The following GLRA1 variants were observed in gnomAD, a reference collection of about 807,000 sequenced individuals.
The protein encoded by GLRA1 is glycine receptor alpha 1.
A neutral mutation model predicts 48.3 loss-of-function variants in GLRA1; 37 were observed. That is an observed-to-expected ratio of 0.77 (90% CI 0.59 to 1.01). The LOEUF (loss-of-function observed/expected upper bound fraction) is 1.01, where lower values mean the gene tolerates loss of function less well. Among genes scored for constraint, GLRA1 ranks in the 50% least tolerant of loss-of-function variants. The pLI is 0.00. For missense variants in GLRA1, 427 were observed against 571.0 expected (o/e 0.75, Z 2.57); for synonymous variants, 196 against 210.7 (o/e 0.93, Z 0.60).
chr5:151,853,290 A>G (rs6868371), intron 6 of GLRA1, among the ~76,000 whole-genome samples: 66,787 of 151,864 alleles, frequency 0.44, 15,031 homozygotes, highest in African/African-American at 0.53. Flanking sequence ...TCTGTCATCC[A>G]GGCTGGAGTG....
At chr5:151,878,229 G>A (rs7731695) in intron 3 of GLRA1, among the ~76,000 whole-genome samples, 1 of 152,198 alleles carries the variant, frequency 6.6e-6, no homozygotes, top group Non-Finnish European at 1.5e-5. Flanking sequence ...GAGACTGGCA[G>A]CATTTTGCCC....
chr5:151,825,274 C>G (rs1763244367), intron 8 of GLRA1, among the ~76,000 whole-genome samples: 1 of 152,094 alleles, frequency 6.6e-6, no homozygotes. Flanking sequence ...GAAAATCTCC[C>G]CTTGCTGGAG....
At chr5:151,888,407 G>A (rs1344599013) in intron 2 of GLRA1, among the ~76,000 whole-genome samples, 1 of 152,178 alleles carries the variant, frequency 6.6e-6, no homozygotes, top group Non-Finnish European at 1.5e-5. Flanking sequence ...TCTGTCCTGG[G>A]CCTCAATTTC....
chr5:151,858,747 G>C (rs1173196571), intron 4 of GLRA1, among the ~76,000 whole-genome samples: 2 of 147,976 alleles, frequency 1.4e-5, no homozygotes, highest in African/African-American at 5.1e-5. Context: ...CCACAGGCCT[G>C]GACAGTTAAG....
At chr5:151,880,858 T>G (rs1753743594) in intron 3 of GLRA1, among the ~76,000 whole-genome samples, 2 of 152,224 alleles carry the variant, frequency 1.3e-5, no homozygotes, top group Admixed American at 1.3e-4. Context: ...TTCACAAATA[T>G]CCACATACAA....
At chr5:151,912,247 G>A (rs1283733072) in intron 1 of GLRA1, among the ~76,000 whole-genome samples, 1 of 142,998 alleles carries the variant, frequency 7.0e-6, no homozygotes, top group African/African-American at 2.6e-5. Flanking sequence ...CTCTTATTTG[G>A]CTCCTGTGAA....
At chr5:151,899,033 A>T (rs781071228) in intron 1 of GLRA1, among the ~76,000 whole-genome samples, 20 of 152,258 alleles carry the variant, frequency 1.3e-4, no homozygotes, top group Admixed American at 2.0e-4. Flanking sequence ...TGTGTGTATG[A>T]AGGAGGGAGG....
At chr5:151,825,772 G>T (rs1763255826) in intron 8 of GLRA1, among the ~76,000 whole-genome samples, 2 of 152,190 alleles carry the variant, frequency 1.3e-5, no homozygotes, top group African/African-American at 4.8e-5. Flanking sequence ...TGGGAAGATG[G>T]TGGGAGTTGG....
At chr5:151,852,729 TA>T (rs1224885211) in intron 6 of GLRA1, among the ~76,000 whole-genome samples, 1 of 152,208 alleles carries the variant, frequency 6.6e-6, no homozygotes, top group African/African-American at 2.4e-5. Flanking sequence ...TGTGTACATT[TA>T]GGTTGTTTCC....
At chr5:151,900,160 A>C (rs1036252045) in intron 1 of GLRA1, among the ~76,000 whole-genome samples, 4 of 152,188 alleles carry the variant, frequency 2.6e-5, no homozygotes, top group Admixed American at 6.5e-5. Context: ...TAGAGAAAGA[A>C]GAATGAGGTA....
intron 3 of GLRA1, among the ~76,000 whole-genome samples, chr5:151,876,953 C>T (rs1753642189): frequency 6.6e-6 from 1 of 152,108 alleles, no homozygotes; most frequent in Non-Finnish European, 1.5e-5. Flanking sequence ...CTCTCTCTGT[C>T]TCTCTTTGCA....
chr5:151,912,186 G>A (rs1754630962), intron 1 of GLRA1, among the ~76,000 whole-genome samples: 1 of 150,644 alleles, frequency 6.6e-6, no homozygotes, highest in Non-Finnish European at 1.5e-5. Flanking sequence ...TACAGTCCAA[G>A]CCATATTCAA....
chr5:151,862,249 T>C (rs1467775496), intron 3 of GLRA1, among the ~76,000 whole-genome samples: 4 of 152,134 alleles, frequency 2.6e-5, no homozygotes, highest in African/African-American at 4.8e-5. Context: ...CGAAACTGGA[T>C]CCCTTCCTTA....
chr5:151,843,589 A>G (rs199558959), intron 7 of GLRA1, among the ~76,000 whole-genome samples: 2 of 152,070 alleles, frequency 1.3e-5, no homozygotes, highest in East Asian at 3.9e-4. Context: ...ATTTGTGTTC[A>G]AATGAAAAAG....
At position 151,851,311 on chromosome 5, in the gene GLRA1, C is replaced by A; in HGVS notation, c.912+79G>T. ...AGTAGTGAATAATTCCTTTGCTCCC[C>A]ATGTTTTAGGCAGAGCAAGGAAGTA... On this transcript the variant is annotated intron_variant, in intron 7 of 8. Transcript: ENST00000274576. The A allele has an allele frequency of 3.2e-6, 3 of 931,980 alleles. No individual in the cohort carries two copies. In the South Asian group the frequency reaches 4.0e-5, roughly 12 times the overall value. The allele number at this position is 931,980 out of a possible 1,614,324, so 57.7% of individuals were successfully genotyped here. A position where few individuals can be genotyped will look rare whatever the true frequency, so the allele number is the denominator to read the frequency against.
chr5:151,872,912 T>G (rs760585079), intron 3 of GLRA1, among the ~76,000 whole-genome samples: 2 of 149,562 alleles, frequency 1.3e-5, no homozygotes, highest in African/African-American at 2.6e-5. Flanking sequence ...CCTACTTATA[T>G]AAAGACATGT....
At chr5:151,832,137 A>G (rs984223275) in intron 7 of GLRA1, among the ~76,000 whole-genome samples, 2 of 152,260 alleles carry the variant, frequency 1.3e-5, no homozygotes, top group African/African-American at 4.8e-5. Flanking sequence ...CAGAAATCCC[A>G]TTTGAAGGTC....
rs769480877 is a variant in GLRA1, at chr5:151,892,295, G to A, written c.184+16C>T. The stretch of plus-strand genomic sequence containing the variant: ...AAAGCATTTCCCTGTGGGTCTGGAA[G>A]GAATATTTTCTCTACCTTTAAAATT... On this transcript the variant is annotated intron_variant, in intron 2 of 8. Coordinates refer to ENST00000274576, the MANE Select transcript of GLRA1 (RefSeq NM_000171.4). The A allele has an allele frequency of 6.2e-7, 1 of 1,612,812 alleles. No individual in the cohort carries two copies.
intron 1 of GLRA1, among the ~76,000 whole-genome samples, chr5:151,904,253 A>G (rs923747818): frequency 3.9e-5 from 6 of 152,136 alleles, no homozygotes; most frequent in African/African-American, 1.4e-4. Flanking sequence ...TTTACCCTGT[A>G]CCTTCAAGAT....
Sources: allele counts gnomAD v4.1 joint callset (sites outside exome capture counted in the v4.1 genomes callset), GRCh38; gene constraint gnomAD v4.1.1; transcripts MANE v1.5; gene names NCBI Gene and HGNC (gene_info 2026-07-23, HGNC 2026-07-21).